DCAF8L2: variants seen among roughly 807,000 people sequenced by gnomAD.
The protein encoded by DCAF8L2 is DDB1- and CUL4-associated factor 8-like protein 2.
For missense variants in DCAF8L2, 430 were observed against 490.7 expected (o/e 0.88, Z 1.17); for synonymous variants, 200 against 190.9 (o/e 1.05, Z -0.39).
At chrX:27,528,033 ATTTTT>A in the DCAF8L2 span, among the ~76,000 whole-genome samples, 10 of 101,058 alleles carry the variant, frequency 9.9e-5, no homozygotes, top group African/African-American at 4.0e-4. Context: ...ATTAAATTAA[ATTTTT>A]AATTTAATTA....
chrX:27,623,515 A>G (rs913405520), intron 1 of DCAF8L2, among the ~76,000 whole-genome samples: 5 of 111,094 alleles, frequency 4.5e-5, no homozygotes, highest in Non-Finnish European at 7.5e-5. Flanking sequence ...GGGTTTTTCA[A>G]TGAAAAACAT....
chrX:27,695,352 A>G (rs1930855701), intron 3 of DCAF8L2, among the ~76,000 whole-genome samples: 1 of 112,566 alleles, frequency 8.9e-6, no homozygotes, highest in Non-Finnish European at 1.9e-5. Context: ...AATAGAAAAC[A>G]AAAGTATATG....
chrX:27,501,339 G>T, the DCAF8L2 span, among the ~76,000 whole-genome samples: 2 of 108,992 alleles, frequency 1.8e-5, no homozygotes, highest in Non-Finnish European at 3.8e-5. Context: ...AGCCAGAATG[G>T]GGCCATACTG....
At chrX:27,540,951 A>G in the DCAF8L2 span, among the ~76,000 whole-genome samples, 5 of 112,245 alleles carry the variant, frequency 4.5e-5, no homozygotes, top group African/African-American at 1.6e-4. Context: ...ATCCAGGACT[A>G]TGGTGAACCA....
At chrX:27,600,328 C>G (rs1019274190) in intron 1 of DCAF8L2, among the ~76,000 whole-genome samples, 1 of 112,005 alleles carries the variant, frequency 8.9e-6, no homozygotes. Flanking sequence ...ATAAAATGAT[C>G]TGTATATCCT....
At chrX:27,593,154 G>A (rs1926198848) in intron 1 of DCAF8L2, among the ~76,000 whole-genome samples, 1 of 111,428 alleles carries the variant, frequency 9.0e-6, no homozygotes, top group African/African-American at 3.3e-5. Flanking sequence ...TCACAGTGTT[G>A]TGCAACCATC....
chrX:27,746,758 A>C (rs1602821716), intron 4 of DCAF8L2, 80 bp from the exon 5 acceptor site: 3 of 543,900 alleles, frequency 5.5e-6, no homozygotes, highest in Admixed American at 8.0e-5. Context: ...TCCTTTAGCC[A>C]ATCAGATTGC....
At chrX:27,480,906 T>C in the DCAF8L2 span, among the ~76,000 whole-genome samples, 5 of 112,035 alleles carry the variant, frequency 4.5e-5, no homozygotes, top group Non-Finnish European at 7.5e-5. Flanking sequence ...TATGAATATG[T>C]ATTAACTAAG....
chrX:27,491,804 C>A, the DCAF8L2 span, among the ~76,000 whole-genome samples: 1 of 111,219 alleles, frequency 9.0e-6, no homozygotes, highest in East Asian at 2.8e-4. Context: ...GACTTTCTAC[C>A]AAATACTTCT....
chrX:27,628,460 G>T (rs1364692791), intron 1 of DCAF8L2, among the ~76,000 whole-genome samples: 1 of 111,600 alleles, frequency 9.0e-6, no homozygotes, highest in East Asian at 2.8e-4. Flanking sequence ...AAGTGAGATT[G>T]CTGGATCATG....
At chrX:27,506,447 T>C in the DCAF8L2 span, among the ~76,000 whole-genome samples, 1 of 111,504 alleles carries the variant, frequency 9.0e-6, no homozygotes, top group Non-Finnish European at 1.9e-5. Context: ...ACAAGATAAA[T>C]TTATCGTCTT....
chrX:27,523,364 A>G, the DCAF8L2 span, among the ~76,000 whole-genome samples: 1 of 107,422 alleles, frequency 9.3e-6, no homozygotes, highest in Non-Finnish European at 1.9e-5. Context: ...TGTGTAATAT[A>G]TCTCTGTCAA....
intron 2 of DCAF8L2, chrX:27,633,537 C>T (rs975398588): frequency 1.8e-5 from 2 of 111,484 alleles, no homozygotes; most frequent in African/African-American, 6.5e-5. Flanking sequence ...AACCCTTGCT[C>T]GGTGCACCTA....
At chrX:27,682,063 G>A (rs1177604983) in intron 3 of DCAF8L2, among the ~76,000 whole-genome samples, 3 of 111,104 alleles carry the variant, frequency 2.7e-5, no homozygotes, top group African/African-American at 9.8e-5. Flanking sequence ...CCCTGGGCTT[G>A]AACAATCCTC....
intron 1 of DCAF8L2, among the ~76,000 whole-genome samples, chrX:27,609,129 T>C (rs763667361): frequency 5.4e-5 from 6 of 112,043 alleles, no homozygotes; most frequent in Non-Finnish European, 1.1e-4. Context: ...CATTATCTTG[T>C]ATCTTTTTCA....
At chrX:27,571,129 A>G in the DCAF8L2 span, among the ~76,000 whole-genome samples, 1 of 112,049 alleles carries the variant, frequency 8.9e-6, no homozygotes, top group African/African-American at 3.2e-5. Flanking sequence ...GAAGACATCT[A>G]TTAATCTTGG....
the DCAF8L2 span, among the ~76,000 whole-genome samples, chrX:27,523,343 C>A: frequency 9.1e-6 from 1 of 109,738 alleles, no homozygotes; most frequent in Non-Finnish European, 1.9e-5. Context: ...AATTAATATA[C>A]AATATATAAA....
chrX:27,496,231 A>G, the DCAF8L2 span, among the ~76,000 whole-genome samples: 2 of 111,912 alleles, frequency 1.8e-5, no homozygotes, highest in Non-Finnish European at 3.8e-5. Context: ...TAGAAATGCA[A>G]TTGATGTTTT....
chrX:27,487,394 G>T, the DCAF8L2 span, among the ~76,000 whole-genome samples: 2 of 111,702 alleles, frequency 1.8e-5, no homozygotes, highest in Admixed American at 9.5e-5. Context: ...CGGTTCTCCT[G>T]CCTCAGCCTC....
Sources: gnomAD v4.1 joint callset for allele counts (sites outside exome capture counted in the v4.1 genomes callset) on GRCh38, gnomAD v4.1.1 for gene constraint, MANE v1.5 for transcripts, NCBI Gene and HGNC (gene_info 2026-07-23, HGNC 2026-07-21) for gene names.